The following PCDH7 variants were observed in gnomAD, a reference collection of about 807,000 sequenced individuals.
The protein encoded by PCDH7 is protocadherin 7.
PCDH7 carries 17 observed loss-of-function variants against 58.9 expected under a neutral mutation model. The ratio of observed to expected loss-of-function variants is 0.29; its 90% CI spans 0.20 to 0.43. The LOEUF (loss-of-function observed/expected upper bound fraction) is 0.43, where lower values mean the gene tolerates loss of function less well. Ranked by LOEUF, PCDH7 falls within the 20% of genes least tolerant of loss-of-function variation. The probability of loss-of-function intolerance (pLI) is 1.00; values close to 1 mark genes in which losing one functional copy is unlikely to be tolerated. For missense variants in PCDH7, 1,274 were observed against 1,441.0 expected (o/e 0.88, Z 1.88); for synonymous variants, 664 against 616.4 (o/e 1.08, Z -1.14).
At chr4:30,778,022 A>T (rs1405982764) in intron 1 of PCDH7, among the ~76,000 whole-genome samples, 1 of 152,138 alleles carries the variant, frequency 6.6e-6, no homozygotes, top group African/African-American at 2.4e-5. Flanking sequence ...ACCCTTTGGA[A>T]ACATTGACTT....
chr4:31,111,710 A>G (rs951244665), intron 3 of PCDH7, among the ~76,000 whole-genome samples: 1 of 152,228 alleles, frequency 6.6e-6, no homozygotes, highest in Non-Finnish European at 1.5e-5. Context: ...TCTAAGAACA[A>G]GTAGTTAGAA....
rs2109270905 is a variant in PCDH7, at chr4:30,763,406, TA to T, written c.70+38813del. ...ATGATTCACCACAGTGATCTTTATC[TA>T]AACAATGCAGGGGAAATTATTTCGA... On this transcript the variant is annotated intron_variant, in intron 1 of 3. Transcript: ENST00000509759. Among the ~76,000 whole-genome samples the T allele has an allele frequency of 2.0e-5, 3 of 152,342 alleles. No individual in the cohort carries two copies. In the South Asian group the frequency reaches 6.2e-4, roughly 32 times the overall value.
At chr4:31,097,853 CTT>C (rs1172495953) in intron 3 of PCDH7, among the ~76,000 whole-genome samples, 1 of 151,546 alleles carries the variant, frequency 6.6e-6, no homozygotes, top group Non-Finnish European at 1.5e-5. Context: ...TTATGAGACT[CTT>C]TTAAAATAAG....
chr4:31,139,745 C>T (rs550460826), intron 3 of PCDH7, among the ~76,000 whole-genome samples: 79 of 152,220 alleles, frequency 5.2e-4, no homozygotes, highest in African/African-American at 1.8e-3. Flanking sequence ...TTTAGTCAAC[C>T]AAATTGGAAG....
intron 3 of PCDH7, among the ~76,000 whole-genome samples, chr4:31,021,442 G>A (rs559219828): frequency 1.3e-5 from 2 of 152,142 alleles, no homozygotes; most frequent in African/African-American, 4.8e-5. Context: ...CTTTGAAAAA[G>A]GCAGTTCTGA....
intron 3 of PCDH7, among the ~76,000 whole-genome samples, chr4:31,041,280 T>G (rs931728577): frequency 6.6e-5 from 10 of 152,218 alleles, no homozygotes; most frequent in African/African-American, 9.6e-5. Context: ...TAGAATTGTT[T>G]GCTTGGTTAT....
At position 30,964,531 on chromosome 4, in the gene PCDH7, G is replaced by T. The variant is rs142362220; in HGVS notation, c.*7+14316G>T. Among the ~76,000 whole-genome samples, 6 of 151,806 alleles carry T rather than the reference G, an allele frequency of 4.0e-5. No individual in the cohort carries two copies. In the East Asian group the frequency reaches 1.2e-3, roughly 30 times the overall value. The stretch of plus-strand genomic sequence containing the variant: ...GCTGGGATTACAGGCGTGAGCCACC[G>T]CACCCGGCCCAGTAGTTTTATTTAT... On this transcript the variant is annotated intron_variant, in intron 3 of 3. Transcript: ENST00000509759.
intron 1 of PCDH7, among the ~76,000 whole-genome samples, chr4:30,910,206 C>G (rs953426020): frequency 2.6e-5 from 4 of 152,114 alleles, no homozygotes; most frequent in African/African-American, 9.7e-5. Flanking sequence ...TATGAAAGAC[C>G]TAAAACCATA....
At chr4:31,122,877 C>A (rs1218720781) in intron 3 of PCDH7, among the ~76,000 whole-genome samples, 3 of 151,728 alleles carry the variant, frequency 2.0e-5, no homozygotes, top group Non-Finnish European at 4.4e-5. Context: ...TTATTTATAA[C>A]CTTTATTATT....
At chr4:31,105,659 T>C (rs1578809882) in intron 3 of PCDH7, among the ~76,000 whole-genome samples, 1 of 152,226 alleles carries the variant, frequency 6.6e-6, no homozygotes, top group African/African-American at 2.4e-5. Flanking sequence ...GGAGCTATAA[T>C]AAGTATTGTT....
chr4:30,980,389 TGTTTTTG>T (rs1433493149), intron 3 of PCDH7, among the ~76,000 whole-genome samples: 1 of 152,226 alleles, frequency 6.6e-6, no homozygotes, highest in Non-Finnish European at 1.5e-5. Context: ...TTTATTTTTT[TGTTTTTG>T]GTTTTGTTTT....
chr4:31,062,138 C>T (rs1054178071), intron 3 of PCDH7, among the ~76,000 whole-genome samples: 1 of 151,496 alleles, frequency 6.6e-6, no homozygotes, highest in Non-Finnish European at 1.5e-5. Flanking sequence ...TAAAATGTGG[C>T]TTTTGTGAAG....
intron 1 of PCDH7, among the ~76,000 whole-genome samples, chr4:30,908,839 A>C (rs1271098493): frequency 6.6e-6 from 1 of 152,226 alleles, no homozygotes; most frequent in Non-Finnish European, 1.5e-5. Flanking sequence ...TTGTGAGGCC[A>C]GCATCATCCT....
chr4:30,738,836 A>G (rs1476347584), intron 1 of PCDH7, among the ~76,000 whole-genome samples: 1 of 152,042 alleles, frequency 6.6e-6, no homozygotes, highest in Non-Finnish European at 1.5e-5. Flanking sequence ...GCACAGTCTC[A>G]GTGGATTTTC....
At position 30,809,670 on chromosome 4, in the gene PCDH7, T is replaced by G. The variant is rs576430948; in HGVS notation, c.70+85074T>G. Among the ~76,000 whole-genome samples the G allele has an allele frequency of 7.2e-5, 11 of 152,362 alleles. No individual in the cohort carries two copies. The South Asian group carries it at 2.1e-3, about 29-fold the overall frequency. Reference sequence around the variant, plus strand: ...TAGACTTGCTCCAGCCCTACGTCATTCTGAACCTAGGCCCTTTGGAGGCTT... The same window carrying G: ...TAGACTTGCTCCAGCCCTACGTCATGCTGAACCTAGGCCCTTTGGAGGCTT... On this transcript the variant is annotated intron_variant, in intron 1 of 3. Coordinates refer to the PCDH7 transcript ENST00000509759.
At chr4:30,872,077 T>A (rs1202140123) in intron 1 of PCDH7, among the ~76,000 whole-genome samples, 1 of 152,208 alleles carries the variant, frequency 6.6e-6, no homozygotes, top group East Asian at 1.9e-4. Context: ...TTATCAGGGG[T>A]TAAGACTTCA....
At chr4:31,062,587 T>C (rs1192383197) in intron 3 of PCDH7, among the ~76,000 whole-genome samples, 1 of 151,766 alleles carries the variant, frequency 6.6e-6, no homozygotes, top group Non-Finnish European at 1.5e-5. Flanking sequence ...ACTGATTTCA[T>C]AAACTTAGTC....
intron 1 of PCDH7, among the ~76,000 whole-genome samples, chr4:30,818,695 A>G (rs1308639742): frequency 6.6e-6 from 1 of 152,204 alleles, no homozygotes; most frequent in Non-Finnish European, 1.5e-5. Context: ...TTTTTCCAAT[A>G]TATGCAGCTT....
At chr4:30,940,136 C>G (rs1288449799) in intron 2 of PCDH7, among the ~76,000 whole-genome samples, 1 of 151,806 alleles carries the variant, frequency 6.6e-6, no homozygotes, top group East Asian at 1.9e-4. Context: ...ATACTAATAG[C>G]CTGAAAATGC....
Sources: gnomAD v4.1 joint callset for allele counts (sites outside exome capture counted in the v4.1 genomes callset) on GRCh38, gnomAD v4.1.1 for gene constraint, MANE v1.5 for transcripts, NCBI Gene and HGNC (gene_info 2026-07-23, HGNC 2026-07-21) for gene names.